MAGI2: variants seen among roughly 807,000 people sequenced by gnomAD.
The protein encoded by MAGI2 is membrane-associated guanylate kinase, WW and PDZ domain-containing protein 2.
MAGI2 carries 35 observed loss-of-function variants against 133.3 expected under a neutral mutation model. The ratio of observed to expected loss-of-function variants is 0.26; its 90% CI spans 0.20 to 0.35. The LOEUF is 0.35. MAGI2 is among the 10% of genes least tolerant of loss of function. The pLI is 1.00. For missense variants in MAGI2, 1,636 were observed against 1,863.4 expected, an observed-to-expected ratio of 0.88 and a Z score of 2.25; for synonymous variants, 729 against 710.6, an observed-to-expected ratio of 1.03 and a Z score of -0.41.
chr7:78,592,397 A>G (rs1563214546), intron 3 of MAGI2, among the ~76,000 whole-genome samples: 2 of 150,894 alleles, frequency 1.3e-5, no homozygotes, highest in African/African-American at 4.9e-5. Flanking sequence ...TCTGTAGGCC[A>G]TTCAGTATCT....
intron 21 of MAGI2, among the ~76,000 whole-genome samples, chr7:78,076,719 G>A (rs542143683): frequency 1.2e-3 from 183 of 149,682 alleles, no homozygotes; most frequent in Middle Eastern, 0.01. Context: ...GGTGGCGGGC[G>A]CCTGTAGTCC....
intron 20 of MAGI2, among the ~76,000 whole-genome samples, chr7:78,084,181 G>A (rs1291846516): frequency 6.6e-6 from 1 of 152,124 alleles, no homozygotes; most frequent in African/African-American, 2.4e-5. Context: ...AGCTTCTTTG[G>A]AATACTATAC....
At chr7:79,367,656 A>G (rs1485708987) in intron 1 of MAGI2, among the ~76,000 whole-genome samples, 1 of 151,990 alleles carries the variant, frequency 6.6e-6, no homozygotes, top group African/African-American at 2.4e-5. Context: ...TGTTTTTAGC[A>G]CAGTACCTGG....
chr7:78,915,843 C>G (rs1798752419), intron 2 of MAGI2, among the ~76,000 whole-genome samples: 1 of 151,664 alleles, frequency 6.6e-6, no homozygotes, highest in Admixed American at 6.6e-5. Context: ...GAGTGGGGGA[C>G]TGCTTTTACA....
At chr7:79,446,297 C>T (rs1048322948) in intron 1 of MAGI2, among the ~76,000 whole-genome samples, 5 of 151,908 alleles carry the variant, frequency 3.3e-5, no homozygotes, top group African/African-American at 1.2e-4. Flanking sequence ...GCACGTGTAC[C>T]CCGAAATTTA....
intron 2 of MAGI2, among the ~76,000 whole-genome samples, chr7:78,836,392 C>T (rs1261334695): frequency 6.6e-6 from 1 of 152,108 alleles, no homozygotes; most frequent in Non-Finnish European, 1.5e-5. Flanking sequence ...ATATTAATAT[C>T]AATATTATTT....
At chr7:79,345,447 G>A (rs963406800) in intron 1 of MAGI2, among the ~76,000 whole-genome samples, 2 of 152,056 alleles carry the variant, frequency 1.3e-5, no homozygotes, top group East Asian at 1.9e-4. Context: ...ATAAATTTCT[G>A]TTGTTTAAGC....
chr7:78,519,635 A>G (rs1796328945), intron 4 of MAGI2, among the ~76,000 whole-genome samples: 1 of 152,202 alleles, frequency 6.6e-6, no homozygotes, highest in Admixed American at 6.5e-5. Flanking sequence ...TGCATAAGGT[A>G]TGAATAGAAG....
intron 21 of MAGI2, among the ~76,000 whole-genome samples, chr7:78,056,751 C>A (rs1812614760): frequency 6.6e-6 from 1 of 152,072 alleles, no homozygotes; most frequent in Non-Finnish European, 1.5e-5. Flanking sequence ...ATCTGTGCAG[C>A]AAACCACCAT....
intron 1 of MAGI2, among the ~76,000 whole-genome samples, chr7:79,059,725 A>G (rs1002601573): frequency 6.6e-6 from 1 of 152,232 alleles, no homozygotes; most frequent in Non-Finnish European, 1.5e-5. Context: ...TTTACCTTTC[A>G]ATAAAACTTC....
At chr7:78,130,184 AC>A (rs1264785377) in intron 18 of MAGI2, among the ~76,000 whole-genome samples, 1 of 152,142 alleles carries the variant, frequency 6.6e-6, no homozygotes, top group Non-Finnish European at 1.5e-5. Flanking sequence ...GCTTATCTTC[AC>A]ATTAAACATA....
chr7:78,918,124 C>T (rs1302845534), intron 2 of MAGI2, among the ~76,000 whole-genome samples: 1 of 152,152 alleles, frequency 6.6e-6, no homozygotes, highest in African/African-American at 2.4e-5. Context: ...TGAGTACAAA[C>T]TTGGGTATGA....
intron 1 of MAGI2, among the ~76,000 whole-genome samples, chr7:79,087,660 G>C (rs1481901958): frequency 6.6e-6 from 1 of 151,904 alleles, no homozygotes; most frequent in African/African-American, 2.4e-5. Flanking sequence ...TTCATCTTGA[G>C]TTAATTTTTG....
At chr7:79,349,851 C>T (rs1841577209) in intron 1 of MAGI2, among the ~76,000 whole-genome samples, 1 of 151,982 alleles carries the variant, frequency 6.6e-6, no homozygotes, top group African/African-American at 2.4e-5. Context: ...ATCACTTACC[C>T]TCTCTGTGAC....
At chr7:79,012,109 C>G (rs550416054) in intron 1 of MAGI2, 1 of 152,108 alleles carries the variant, frequency 6.6e-6, no homozygotes, top group South Asian at 2.1e-4. Flanking sequence ...GCAGAGTGCC[C>G]AAAGAATGCG....
At chr7:78,930,507 G>A (rs1800030290) in intron 2 of MAGI2, among the ~76,000 whole-genome samples, 1 of 152,016 alleles carries the variant, frequency 6.6e-6, no homozygotes, top group Non-Finnish European at 1.5e-5. Flanking sequence ...CAGATTCAAT[G>A]GGTTAATCTT....
At position 78,067,849 on chromosome 7, in the gene MAGI2, A is replaced by G. The variant is rs142062360; in HGVS notation, c.3706+11098T>C. ...CGAGCAAGGTTGTAGGCAGTTTGTGAATAACAAAAATCTGGACTTATGGTA... is the reference window on the plus strand; with the variant it reads ...CGAGCAAGGTTGTAGGCAGTTTGTGGATAACAAAAATCTGGACTTATGGTA... On this transcript the variant is annotated intron_variant, in intron 21 of 21. Transcript: ENST00000354212. Among the ~76,000 whole-genome samples the G allele has an allele frequency of 3.3e-5, 5 of 152,312 alleles. No homozygotes were observed. In the East Asian group the frequency reaches 9.7e-4, roughly 29 times the overall value.
intron 1 of MAGI2, among the ~76,000 whole-genome samples, chr7:79,104,553 G>A (rs1435318724): frequency 6.6e-6 from 1 of 152,020 alleles, no homozygotes; most frequent in East Asian, 1.9e-4. Flanking sequence ...TGTAGTCCCA[G>A]CTACTCAGGA....
At chr7:78,651,859 A>G (rs1168857159) in intron 2 of MAGI2, among the ~76,000 whole-genome samples, 1 of 152,112 alleles carries the variant, frequency 6.6e-6, no homozygotes, top group Non-Finnish European at 1.5e-5. Context: ...AGTAGAAAAT[A>G]CAACAACAAA....
Sources: gnomAD v4.1 joint callset for allele counts (sites outside exome capture counted in the v4.1 genomes callset) on GRCh38, gnomAD v4.1.1 for gene constraint, MANE v1.5 for transcripts, NCBI Gene and HGNC (gene_info 2026-07-23, HGNC 2026-07-21) for gene names.